SS18: variants seen among roughly 807,000 people sequenced by gnomAD.
The protein encoded by SS18 is SS18 subunit of BAF chromatin remodeling complex, also known as protein SSXT.
A neutral mutation model predicts 72.5 loss-of-function variants in SS18; 28 were observed. The ratio of observed to expected loss-of-function variants is 0.39; its 90% CI spans 0.29 to 0.53. The LOEUF (loss-of-function observed/expected upper bound fraction) is 0.53. Ranked by LOEUF, SS18 falls within the 20% of genes least tolerant of loss-of-function variation. The pLI, the probability that SS18 is intolerant of heterozygous loss-of-function variation, is 0.76. For missense variants in SS18, 518 were observed against 535.3 expected, an observed-to-expected ratio of 0.97 and a Z score of 0.32; for synonymous variants, 172 against 164.2, an observed-to-expected ratio of 1.05 and a Z score of -0.37.
chr18:26,027,524 T>G (rs1313864586), intron 10 of SS18, among the ~76,000 whole-genome samples: 1 of 151,352 alleles, frequency 6.6e-6, no homozygotes, highest in African/African-American at 2.4e-5. Flanking sequence ...TAATTAAAAT[T>G]AGCTGGGCAT....
At position 26,035,680 on chromosome 18, in the gene SS18, T is replaced by A; in HGVS notation, c.973+151A>T. 2.3e-6 allele frequency: 1 copy of A among 430,624 alleles called. No homozygotes were observed. Among genetic ancestry groups the A allele is most frequent in the South Asian group, 8.8e-5 (1 of 11,308 alleles). 26.7% of individuals were successfully genotyped at this position (430,624 alleles called of 1,614,324 possible). A position where few individuals can be genotyped will look rare whatever the true frequency, so the allele number is the denominator to read the frequency against. Reference sequence around the variant, plus strand: ...TTTTAAATATTTGTAAGGAAATTATTTTGATTGTTTTGGGCTCCCTGCAAC... The same window carrying A: ...TTTTAAATATTTGTAAGGAAATTATATTGATTGTTTTGGGCTCCCTGCAAC... On this transcript the variant is annotated intron_variant, in intron 8 of 10. Transcript: ENST00000415083. The surrounding 1 kb of genome is among the most constrained non-coding windows in gnomAD (Gnocchi z 4.4).
intron 3 of SS18, among the ~76,000 whole-genome samples, chr18:26,070,943 TA>T (rs2054300379): frequency 6.6e-6 from 1 of 152,042 alleles, no homozygotes; most frequent in Non-Finnish European, 1.5e-5. Context: ...AGAGCAGATC[TA>T]AAAAAGAACT....
At chr18:26,033,894 C>T (rs974141321) in intron 9 of SS18, among the ~76,000 whole-genome samples, 1 of 152,116 alleles carries the variant, frequency 6.6e-6, no homozygotes, top group Non-Finnish European at 1.5e-5. Flanking sequence ...AGCTGCATTA[C>T]ATCTGTTTTC....
At chr18:26,089,610 A>C (rs994711351) in intron 1 of SS18, 1 of 152,260 alleles carries the variant, frequency 6.6e-6, no homozygotes, top group Non-Finnish European at 1.5e-5. Flanking sequence ...AGGTCAGTAA[A>C]ATTTAGAATG....
In SS18 at chr18:26,016,968, T is replaced by C. The variant is rs1041989795; in HGVS notation, c.*1386A>G. On this transcript the variant is annotated 3_prime_UTR_variant, in exon 11 of 11. Coordinates refer to ENST00000415083, the MANE Select transcript of SS18 (RefSeq NM_001007559.3). ...AAGAATACATCTTATTCCCTGGGCA[T>C]AGGCAACTGTGATGAAAATAGCAAC... The C allele has an allele frequency of 1.3e-5, 3 of 225,928 alleles. No homozygotes were observed. Among genetic ancestry groups the C allele is most frequent in the African/African-American group, 2.2e-5 (1 of 44,938 alleles). The allele number at this position is 225,928 out of a possible 1,614,324, so 14.0% of individuals were successfully genotyped here.
intron 10 of SS18, among the ~76,000 whole-genome samples, chr18:26,027,994 GAC>G (rs1278202155): frequency 6.6e-6 from 1 of 151,120 alleles, no homozygotes; most frequent in Non-Finnish European, 1.5e-5. Context: ...GTCTTTGAAA[GAC>G]ACTATTTATA....
At chr18:26,090,417 G>A in intron 1 of SS18, 84 bp downstream of exon 1, 1 of 1,395,062 alleles carries the variant, frequency 7.2e-7, no homozygotes, top group Non-Finnish European at 9.9e-7. Flanking sequence ...CGGCCCGGTC[G>A]ACTCCGGGCC....
At chr18:26,056,211 C>T (rs1392636503) in intron 4 of SS18, among the ~76,000 whole-genome samples, 1 of 152,194 alleles carries the variant, frequency 6.6e-6, no homozygotes, top group Non-Finnish European at 1.5e-5. Context: ...TACTGCTGCT[C>T]AAATGCTTCT....
chr18:26,036,513 T>C lies in SS18; in HGVS notation c.881-590A>G, dbSNP rs1251185338. Among the ~76,000 whole-genome samples, 3 of 152,186 alleles carry C rather than the reference T, an allele frequency of 2.0e-5. No individual in the cohort carries two copies. In the East Asian group the frequency reaches 5.8e-4, roughly 29 times the overall value. Reference sequence around the variant, plus strand: ...TCTTTAGAAAATATTTCAAGTATCATAAACATACATCTTCATAAAATTAAT... The same window carrying C: ...TCTTTAGAAAATATTTCAAGTATCACAAACATACATCTTCATAAAATTAAT... On this transcript the variant is annotated intron_variant, in intron 7 of 10. Transcript: ENST00000415083.
At chr18:26,019,359 C>T (rs527512819) in intron 10 of SS18, among the ~76,000 whole-genome samples, 14 of 152,258 alleles carry the variant, frequency 9.2e-5, no homozygotes, top group South Asian at 4.1e-4. Context: ...TCTCTCTCCA[C>T]GTCACAACAA....
intron 7 of SS18, among the ~76,000 whole-genome samples, chr18:26,037,180 T>A (rs73401880): frequency 0.012 from 1,790 of 152,152 alleles, 27 homozygotes; most frequent in African/African-American, 0.041. Flanking sequence ...CAAATTAAAA[T>A]CCACTAATAA....
chr18:26,062,010 T>C (rs969837188), intron 3 of SS18, among the ~76,000 whole-genome samples: 3 of 152,102 alleles, frequency 2.0e-5, no homozygotes, highest in Non-Finnish European at 4.4e-5. Flanking sequence ...CCTGTAATCC[T>C]AGCACTTTGG....
At chr18:26,090,614 G>T, upstream of SS18, 1 of 1,542,792 alleles carries the variant, frequency 6.5e-7, no homozygotes, top group South Asian at 1.2e-5. Flanking sequence ...CGCTCCGGGT[G>T]AACGGCAAAC....
intron 4 of SS18, among the ~76,000 whole-genome samples, chr18:26,054,870 A>C (rs142119697): frequency 0.012 from 1,780 of 151,962 alleles, 28 homozygotes; most frequent in African/African-American, 0.041. Flanking sequence ...CTTCCCAAGT[A>C]GCTGGGATTA....
chr18:26,032,482 G>GT lies in SS18; in HGVS notation c.1146dup (p.Gln383ThrfsTer9), dbSNP rs2053560569. 2 of 1,613,648 alleles carry GT rather than the reference G, an allele frequency of 1.2e-6. No homozygotes were observed. The highest frequency in any genetic ancestry group is 1.3e-5 in the African/African-American group (1 of 74,836). Reference sequence around the variant, plus strand: ...CTATATCCTCCATACTGCTGACCTTGTCCCTGTGGGTAGTTAGGATACTGA... The same window carrying GT: ...CTATATCCTCCATACTGCTGACCTTGTTCCCTGTGGGTAGTTAGGATACTGA... On this transcript the variant is annotated frameshift_variant, in exon 10 of 11. Coordinates refer to ENST00000415083, the MANE Select transcript of SS18 (RefSeq NM_001007559.3). LOFTEE classifies it high-confidence loss of function.
chr18:26,062,592 A>G (rs1478366235), intron 3 of SS18, among the ~76,000 whole-genome samples: 1 of 152,216 alleles, frequency 6.6e-6, no homozygotes, highest in Non-Finnish European at 1.5e-5. Flanking sequence ...TTCCAATTAA[A>G]TAACAAATAC....
chr18:26,074,663 C>T (rs1422324984), intron 3 of SS18, among the ~76,000 whole-genome samples: 1 of 151,760 alleles, frequency 6.6e-6, no homozygotes, highest in Non-Finnish European at 1.5e-5. Context: ...AATTTCACAA[C>T]TGAGAAAAAT....
intron 4 of SS18, 51 bp downstream of exon 4, chr18:26,057,538 T>C: frequency 6.3e-7 from 1 of 1,591,500 alleles, no homozygotes; most frequent in Non-Finnish European, 8.6e-7. Context: ...CCCATGTCGT[T>C]TCAGTTGCTA....
At chr18:26,090,457 A>G in intron 1 of SS18, 44 bp downstream of exon 1, 1 of 1,540,942 alleles carries the variant, frequency 6.5e-7, no homozygotes, top group Non-Finnish European at 8.8e-7. Flanking sequence ...TGTCTCTCCC[A>G]GAGGCGGTAA....
Sources: allele counts gnomAD v4.1 joint callset (sites outside exome capture counted in the v4.1 genomes callset), GRCh38; gene constraint gnomAD v4.1.1; non-coding constraint Gnocchi (gnomAD v3.1); transcripts MANE v1.5; gene names NCBI Gene and HGNC (gene_info 2026-07-23, HGNC 2026-07-21).